Variants in PCDHGB2 observed in about 807,000 individuals in gnomAD.
The protein encoded by PCDHGB2 is protocadherin gamma subfamily B, 2.
A neutral mutation model predicts 59.3 loss-of-function variants in PCDHGB2; 55 were observed. That is an observed-to-expected ratio of 0.93 (90% CI 0.75 to 1.16). PCDHGB2 has a LOEUF of 1.16. PCDHGB2 is among the 50% of genes most tolerant of loss of function. The pLI is 0.00. For missense variants in PCDHGB2, 1,228 were observed against 1,198.5 expected (o/e 1.02, Z -0.36); for synonymous variants, 516 against 512.0 (o/e 1.01, Z -0.11).
At chr5:141,462,984 T>G (rs1349170605) in intron 1 of PCDHGB2, among the ~76,000 whole-genome samples, 1 of 152,156 alleles carries the variant, frequency 6.6e-6, no homozygotes, top group African/African-American at 2.4e-5. Context: ...ACTTTTGCCT[T>G]GGGCTAATTT....
chr5:141,508,928 G>A (rs1475005703), intron 3 of PCDHGB2, among the ~76,000 whole-genome samples: 1 of 152,076 alleles, frequency 6.6e-6, no homozygotes, highest in East Asian at 1.9e-4. Flanking sequence ...TCCTTTTGGA[G>A]TTAATTAGGG....
chr5:141,441,865 G>T, intron 1 of PCDHGB2: 1 of 345,726 alleles, frequency 2.9e-6, no homozygotes. Context: ...GCACGCCGCG[G>T]AGCCTGGCTA....
In PCDHGB2 at chr5:141,476,343, T is replaced by A; in HGVS notation, c.2422-18464T>A. 1 of 1,614,012 alleles carries A rather than the reference T, an allele frequency of 6.2e-7. No individual in the cohort carries two copies. The highest frequency in any genetic ancestry group is 1.3e-5 in the African/African-American group (1 of 74,984). ...GTGGTGTCTGGAGCTAGCCGAAGAT[T>A]CTTTGAGGTGAACCGGGAGACCGGA... On this transcript the variant is annotated intron_variant, in intron 1 of 3. Transcript: ENST00000522605. This position sits in a 1 kb window ranked among gnomAD's most constrained non-coding sequence, Gnocchi z 7.6.
chr5:141,375,879 G>A, intron 1 of PCDHGB2: 1 of 1,613,144 alleles, frequency 6.2e-7, no homozygotes, highest in South Asian at 1.1e-5. Flanking sequence ...AGAGACTCGG[G>A]CCAGAACGCC....
At position 141,503,992 on chromosome 5, in the gene PCDHGB2, A is replaced by G. The variant is rs1419698681; in HGVS notation, c.2481-1401A>G. 2.6e-5 allele frequency among the ~76,000 whole-genome samples: 4 copies of G among 152,116 alleles called. No homozygotes were observed. In the East Asian group the frequency reaches 7.7e-4, roughly 29 times the overall value. ...GGTGCCAAACCCTTCTTCTTACCTTACAGTCACTTAACTGTCTCTGCTGGT... is the reference window on the plus strand; with the variant it reads ...GGTGCCAAACCCTTCTTCTTACCTTGCAGTCACTTAACTGTCTCTGCTGGT... On this transcript the variant is annotated intron_variant, in intron 2 of 3. Transcript: ENST00000522605.
rs1349189547 is a variant in PCDHGB2 at position 141,432,777 on chromosome 5, C to A, written c.2422-62030C>A. 1.2e-6 allele frequency: 2 copies of A among 1,614,154 alleles called. No individual in the cohort carries two copies. The highest frequency in any genetic ancestry group is 1.3e-5 in the African/African-American group (1 of 75,062). ...GCCGACAGCATCCCCCAAGTCCTGGCGGACCTCGGCAGCCTCGAGTCTCCA... is the reference window on the plus strand; with the variant it reads ...GCCGACAGCATCCCCCAAGTCCTGGAGGACCTCGGCAGCCTCGAGTCTCCA... On this transcript the variant is annotated intron_variant, in intron 1 of 3. Transcript: ENST00000522605. This position sits in a 1 kb window ranked among gnomAD's most constrained non-coding sequence, Gnocchi z 6.0.
At position 141,486,218 on chromosome 5, in the gene PCDHGB2, T is replaced by A. The variant is rs1467104398; in HGVS notation, c.2422-8589T>A. The A allele has an allele frequency of 2.5e-6, 4 of 1,614,004 alleles. No homozygotes were observed. The African/African-American group carries it at 5.3e-5, about 22-fold the overall frequency. On this transcript the variant is annotated intron_variant, in intron 1 of 3. Transcript: ENST00000522605. The surrounding 1 kb of genome is among the most constrained non-coding windows in gnomAD (Gnocchi z 5.0). ...GCTGGACGTAAATGACAATGCCCCT[T>A]ACATCACAGTGACCTCAGAGCTTGG...
intron 1 of PCDHGB2, chr5:141,367,435 G>A (rs578251021): frequency 6.6e-6 from 1 of 152,322 alleles, no homozygotes; most frequent in African/African-American, 2.4e-5. Flanking sequence ...TACTCGGAAG[G>A]CTGAGGCAGG....
chr5:141,393,664 T>A, intron 1 of PCDHGB2: 1 of 1,613,772 alleles, frequency 6.2e-7, no homozygotes. Context: ...TTCCGGAAAA[T>A]TAATGAAAAA....
chr5:141,395,542 T>TTGTTTG lies in PCDHGB2; in HGVS notation c.2421+32989_2421+32990insTTGTGT, dbSNP rs1267535064. On this transcript the variant is annotated intron_variant, in intron 1 of 3. Coordinates refer to ENST00000522605, the MANE Select transcript of PCDHGB2 (RefSeq NM_018923.3). ...TCCATACTGGTAATTTTGCTATTGTTTGTGTGTGTGTGTGTGTGTGTGTGT... is the reference window on the plus strand; with the variant it reads ...TCCATACTGGTAATTTTGCTATTGTTTGTTTGTGTGTGTGTGTGTGTGTGTGTGTGT... 2.4e-3 allele frequency: 418 copies of TTGTTTG among 172,622 alleles called. 4 individuals carry two copies. The highest frequency in any genetic ancestry group is 0.019 in the African/African-American group (326 of 17,544). The allele number at this position is 172,622 out of a possible 1,614,324, so 10.7% of individuals were successfully genotyped here.
At chr5:141,403,585 C>A in intron 1 of PCDHGB2, 1 of 1,613,894 alleles carries the variant, frequency 6.2e-7, no homozygotes, top group South Asian at 1.1e-5. Context: ...ACCACCTGGT[C>A]CTCACGGCCT....
intron 1 of PCDHGB2, chr5:141,415,950 A>G (rs996935488): frequency 4.0e-6 from 2 of 498,646 alleles, no homozygotes; most frequent in Non-Finnish European, 6.1e-6. Flanking sequence ...GGGTGGTCAC[A>G]TATTGAAACT....
chr5:141,393,861 A>G (rs1324870023), intron 1 of PCDHGB2: 11 of 1,613,904 alleles, frequency 6.8e-6, no homozygotes, highest in Non-Finnish European at 9.3e-6. Context: ...AGTGATCATT[A>G]CGTCTTTGTT....
At chr5:141,364,703 G>T (rs1281129906) in intron 1 of PCDHGB2, 4 of 1,613,812 alleles carry the variant, frequency 2.5e-6, no homozygotes, top group Non-Finnish European at 2.5e-6. Context: ...AGAAATAATC[G>T]ATATTAATGA....
chr5:141,506,177 G>A (rs1024892091), intron 3 of PCDHGB2, among the ~76,000 whole-genome samples: 16 of 152,142 alleles, frequency 1.1e-4, no homozygotes, highest in Admixed American at 4.6e-4. Flanking sequence ...TAAGCTGGGC[G>A]TGGTGGCTCA....
rs376734880 is a variant in PCDHGB2 at position 141,400,487 on chromosome 5, T to C, written c.2421+37931T>C. On this transcript the variant is annotated intron_variant, in intron 1 of 3. Coordinates refer to ENST00000522605, the MANE Select transcript of PCDHGB2 (RefSeq NM_018923.3). Reference sequence around the variant, plus strand: ...GATTCATCTGGGGCCTTATTTCCACTTTGTAATTCCAGCGAGTCGACTTCC... The same window carrying C: ...GATTCATCTGGGGCCTTATTTCCACCTTGTAATTCCAGCGAGTCGACTTCC... 4.8e-5 allele frequency: 78 copies of C among 1,613,958 alleles called. No individual in the cohort carries two copies. Among genetic ancestry groups the C allele is most frequent in the Non-Finnish European group, 6.6e-5 (78 of 1,179,896 alleles).
rs1345800081 is a variant in PCDHGB2, at chr5:141,485,453, G to A, written c.2422-9354G>A. 1 of 1,614,176 alleles carries A rather than the reference G, an allele frequency of 6.2e-7. No homozygotes were observed. The highest frequency in any genetic ancestry group is 8.5e-7 in the Non-Finnish European group (1 of 1,180,036). On this transcript the variant is annotated intron_variant, in intron 1 of 3. Transcript: ENST00000522605. The surrounding 1 kb of genome is among the most constrained non-coding windows in gnomAD (Gnocchi z 5.7). ...CATCAAGAACCCAATCGACCGAGAG[G>A]CACTGTGTGGGCTCAGTGCCAGCTG...
Position 141,376,232 on chromosome 5 carries a change from C to A in PCDHGB2, c.2421+13676C>A, listed in dbSNP as rs750982276. 6.7e-5 allele frequency: 108 copies of A among 1,614,106 alleles called. No homozygotes were observed. The highest frequency in any genetic ancestry group is 9.0e-5 in the Non-Finnish European group (106 of 1,180,056). ...CATCGTGCTGCTGGCGCTCAGACTG[C>A]AGCGCTGGCACAAGTCACGCCTGCT... is the stretch of plus-strand genomic sequence containing the variant. On this transcript the variant is annotated intron_variant, in intron 1 of 3. Coordinates refer to ENST00000522605, the MANE Select transcript of PCDHGB2 (RefSeq NM_018923.3).
intron 1 of PCDHGB2, chr5:141,391,245 G>A (rs1324945676): frequency 6.6e-6 from 1 of 151,892 alleles, no homozygotes; most frequent in African/African-American, 2.4e-5. Flanking sequence ...GTATATCTAA[G>A]CAACTGCTTC....
Sources: gnomAD v4.1 joint callset for allele counts (sites outside exome capture counted in the v4.1 genomes callset) on GRCh38, gnomAD v4.1.1 for gene constraint, Gnocchi (gnomAD v3.1) non-coding constraint, MANE v1.5 for transcripts, NCBI Gene and HGNC (gene_info 2026-07-23, HGNC 2026-07-21) for gene names.